CDK14: variants seen among roughly 807,000 people sequenced by gnomAD.
CDK14 encodes the protein cyclin dependent kinase 14.
A neutral mutation model predicts 60.7 loss-of-function variants in CDK14; 34 were observed. The ratio of observed to expected loss-of-function variants is 0.56; its 90% confidence interval spans 0.43 to 0.75. CDK14 has a LOEUF of 0.75. CDK14 is among the 30% of genes least tolerant of loss of function. The pLI is 0.00. For missense variants in CDK14, 482 were observed against 564.1 expected (o/e 0.85, Z 1.47); for synonymous variants, 197 against 203.7 (o/e 0.97, Z 0.28).
chr7:91,075,937 AACTACAAACC>A (rs1198585900), intron 11 of CDK14, among the ~76,000 whole-genome samples: 1 of 152,110 alleles, frequency 6.6e-6, no homozygotes, highest in Non-Finnish European at 1.5e-5. Flanking sequence ...CTTCAAGGAG[AACTACAAACC>A]ACTGCTCAAG....
At chr7:90,776,734 T>G (rs763397231) in intron 4 of CDK14, among the ~76,000 whole-genome samples, 7 of 152,230 alleles carry the variant, frequency 4.6e-5, no homozygotes, top group Non-Finnish European at 1.0e-4. Context: ...GAGTTCTGAT[T>G]GAAGACTTGA....
chr7:90,807,429 C>T (rs1050641312), intron 5 of CDK14, among the ~76,000 whole-genome samples: 6 of 152,188 alleles, frequency 3.9e-5, no homozygotes, highest in Non-Finnish European at 8.8e-5. Context: ...GGAAAACTAA[C>T]AAACAGAAAG....
chr7:91,123,911 G>GT (rs1414641541), intron 14 of CDK14, among the ~76,000 whole-genome samples: 1 of 151,948 alleles, frequency 6.6e-6, no homozygotes, highest in Non-Finnish European at 1.5e-5. Context: ...GTTTTGTTTT[G>GT]TTTTTTATTT....
intron 2 of CDK14, among the ~76,000 whole-genome samples, chr7:90,713,644 T>C (rs1002110134): frequency 6.6e-5 from 10 of 150,582 alleles, no homozygotes; most frequent in East Asian, 1.9e-4. Context: ...TTTTTTTTTT[T>C]CATCAGGAGA....
chr7:90,780,069 C>T (rs1805244071), intron 4 of CDK14, among the ~76,000 whole-genome samples: 1 of 152,078 alleles, frequency 6.6e-6, no homozygotes, highest in Admixed American at 6.5e-5. Flanking sequence ...AACTTGTTCC[C>T]TTATGCCTTT....
chr7:90,791,196 T>A (rs1450808119), intron 5 of CDK14, among the ~76,000 whole-genome samples: 1 of 152,182 alleles, frequency 6.6e-6, no homozygotes, highest in Non-Finnish European at 1.5e-5. Flanking sequence ...TCTTTTATAA[T>A]GTAGTTATTT....
intron 2 of CDK14, among the ~76,000 whole-genome samples, chr7:90,611,895 C>A (rs530435223): frequency 6.8e-6 from 1 of 147,980 alleles, no homozygotes; most frequent in East Asian, 2.0e-4. Context: ...TGCAGTGGCG[C>A]AATCTCGGCT....
intron 8 of CDK14, among the ~76,000 whole-genome samples, chr7:90,955,306 A>C (rs1794379197): frequency 6.6e-6 from 1 of 152,158 alleles, no homozygotes; most frequent in South Asian, 2.1e-4. Context: ...TTCACAATTT[A>C]AGGATTCTTT....
At chr7:90,643,308 G>C (rs1007530373) in intron 2 of CDK14, among the ~76,000 whole-genome samples, 1 of 152,086 alleles carries the variant, frequency 6.6e-6, no homozygotes, top group African/African-American at 2.4e-5. Flanking sequence ...ACATTTGGTT[G>C]TTTTCTTTGT....
chr7:91,107,835 CT>C (rs935769043), intron 12 of CDK14: 5 of 152,254 alleles, frequency 3.3e-5, no homozygotes, highest in Middle Eastern at 3.4e-3. Context: ...GGAAATGGAA[CT>C]TTTAAGACAG....
At chr7:90,781,254 G>C (rs1186829474) in intron 4 of CDK14, among the ~76,000 whole-genome samples, 1 of 152,120 alleles carries the variant, frequency 6.6e-6, no homozygotes, top group African/African-American at 2.4e-5. Flanking sequence ...CCCACTTTTT[G>C]ATGGGGTTGT....
intron 6 of CDK14, among the ~76,000 whole-genome samples, chr7:90,866,308 GTTTAA>G (rs1791185657): frequency 6.7e-6 from 1 of 150,270 alleles, no homozygotes; most frequent in African/African-American, 2.5e-5. Context: ...ATCAGTATCA[GTTTAA>G]TTTAAAATTT....
At chr7:91,080,570 G>A (rs1028897189) in intron 12 of CDK14, among the ~76,000 whole-genome samples, 1 of 152,146 alleles carries the variant, frequency 6.6e-6, no homozygotes, top group African/African-American at 2.4e-5. Flanking sequence ...AGCTTCCTGT[G>A]CATGCTCCTC....
chr7:90,691,398 A>G (rs1167997404), intron 2 of CDK14, among the ~76,000 whole-genome samples: 1 of 152,290 alleles, frequency 6.6e-6, no homozygotes, highest in East Asian at 1.9e-4. Flanking sequence ...ACTTGTAGGC[A>G]TAGACTTGGA....
At chr7:90,622,376 A>G (rs1432381666) in intron 2 of CDK14, among the ~76,000 whole-genome samples, 1 of 152,196 alleles carries the variant, frequency 6.6e-6, no homozygotes, top group African/African-American at 2.4e-5. Context: ...TGTATGCATT[A>G]TCATCTTGAG....
chr7:90,604,294 A>T, intron 2 of CDK14, 45 bp downstream of exon 2: 1 of 1,287,086 alleles, frequency 7.8e-7, no homozygotes, highest in Non-Finnish European at 1.1e-6. Context: ...TTTAATGACT[A>T]CCAGGTAAAG....
At chr7:90,747,623 A>C in intron 3 of CDK14, 58 bp from the exon 4 acceptor site, 1 of 950,042 alleles carries the variant, frequency 1.1e-6, no homozygotes, top group Non-Finnish European at 1.6e-6. Flanking sequence ...AAATCAGGGT[A>C]TTTGTTGTTA....
chr7:91,019,402 T>C (rs1298750553), intron 10 of CDK14, among the ~76,000 whole-genome samples: 1 of 152,216 alleles, frequency 6.6e-6, no homozygotes, highest in Non-Finnish European at 1.5e-5. Flanking sequence ...TTTTCAATTT[T>C]GACTGAATTA....
At chr7:90,788,064 G>C (rs762267942) in intron 4 of CDK14, among the ~76,000 whole-genome samples, 1 of 152,118 alleles carries the variant, frequency 6.6e-6, no homozygotes, top group African/African-American at 2.4e-5. Flanking sequence ...AGAAGCATGC[G>C]GTTCCTATAT....
Sources: gnomAD v4.1 joint callset for allele counts (sites outside exome capture counted in the v4.1 genomes callset) on GRCh38, gnomAD v4.1.1 for gene constraint, MANE v1.5 for transcripts, NCBI Gene and HGNC (gene_info 2026-07-23, HGNC 2026-07-21) for gene names.